Variants in PEPD observed in about 807,000 individuals in gnomAD.
PEPD encodes the protein xaa-Pro dipeptidase.
Under a neutral mutation model 60.7 loss-of-function variants are expected in PEPD, and 53 were observed. The ratio of observed to expected loss-of-function variants is 0.87; its 90% confidence interval spans 0.70 to 1.10. PEPD has a LOEUF of 1.10. Ranked by LOEUF, PEPD falls within the 50% of genes least tolerant of loss-of-function variation. PEPD has a pLI of 0.00. For synonymous variants in PEPD, 267 were observed against 284.1 expected (o/e 0.94, Z 0.60); for missense variants, 711 against 711.9 (o/e 1.00, Z 0.01).
chr19:33,430,024 T>C (rs756805774), intron 9 of PEPD, among the ~76,000 whole-genome samples: 16 of 152,178 alleles, frequency 1.1e-4, no homozygotes, highest in Non-Finnish European at 2.1e-4. Context: ...AGGAGGGGTG[T>C]CCTGCACGCT....
chr19:33,514,372 A>C (rs1970988159), intron 1 of PEPD, among the ~76,000 whole-genome samples: 1 of 151,966 alleles, frequency 6.6e-6, no homozygotes, highest in Non-Finnish European at 1.5e-5. Context: ...TGGGACCCTC[A>C]GAGGCCCTGA....
intron 1 of PEPD, among the ~76,000 whole-genome samples, chr19:33,519,567 A>G (rs967631523): frequency 3.3e-5 from 5 of 152,196 alleles, no homozygotes; most frequent in Non-Finnish European, 7.3e-5. Context: ...ATTCTGCTCT[A>G]AAGGAAGCCA....
intron 12 of PEPD, among the ~76,000 whole-genome samples, chr19:33,396,988 A>G (rs1968381377): frequency 6.6e-6 from 1 of 152,064 alleles, no homozygotes; most frequent in Non-Finnish European, 1.5e-5. Context: ...CTCACCATGC[A>G]TGCAGGGGTC....
intron 1 of PEPD, among the ~76,000 whole-genome samples, chr19:33,515,236 G>C (rs1463762647): frequency 6.6e-6 from 1 of 152,270 alleles, no homozygotes; most frequent in South Asian, 2.1e-4. Context: ...GCCGCAGCAG[G>C]GCAGGAAGCA....
chr19:33,387,393 C>G lies in PEPD; in HGVS notation c.1433G>C (p.Cys478Ser), dbSNP rs372530277. The G allele has an allele frequency of 1.2e-6, 2 of 1,613,994 alleles. No homozygotes were observed. The highest frequency in any genetic ancestry group is 1.7e-5 in the Admixed American group (1 of 60,012). Residue 478 changes from cysteine to serine, a missense_variant, in exon 15 of 15, where the codon TGC becomes TCC. Transcript: ENST00000244137. ...VPRTVEEIEACMAGCDKAFTP... is the reference protein window; with the variant it reads ...VPRTVEEIEASMAGCDKAFTP... ...AAAGGCCTTGTCACAGCCTGCCATG[C>G]ATGCTTCAATCTCTTCCACAGTGCG...
rs9916971 is a variant in PEPD at position 33,413,923 on chromosome 19, G to A, written c.672-280C>T. On this transcript the variant is annotated intron_variant, in intron 9 of 14. Transcript: ENST00000244137. Reference sequence around the variant, plus strand: ...CTCGCCAGCCTCCACTGACTGCCATGGCGAGTGGCTTCCCAGGCACATCAG... The same window carrying A: ...CTCGCCAGCCTCCACTGACTGCCATAGCGAGTGGCTTCCCAGGCACATCAG... 0.16 allele frequency among the ~76,000 whole-genome samples: 24,692 copies of A among 152,244 alleles called. 2,105 individuals carry two copies. Among genetic ancestry groups the A allele is most frequent in the African/African-American group, 0.18 (7,456 of 41,550 alleles).
chr19:33,387,115 A>T lies in PEPD; in HGVS notation c.*229T>A. ...TATTTTCAATCATTTTAAGTCGCTC[A>T]TTTAATAAGCAAGGTATAAAACAGA... On this transcript the variant is annotated 3_prime_UTR_variant, in exon 15 of 15. Coordinates refer to ENST00000244137, the MANE Select transcript of PEPD (RefSeq NM_000285.4). 3.5e-6 allele frequency: 2 copies of T among 573,046 alleles called. No homozygotes were observed. The highest frequency in any genetic ancestry group is 6.2e-6 in the Non-Finnish European group (2 of 322,670). 35.5% of individuals were successfully genotyped at this position (573,046 alleles called of 1,614,324 possible).
At position 33,411,734 on chromosome 19, in the gene PEPD, G is replaced by A. The variant is rs374710449; in HGVS notation, c.756C>T (p.Ala252=). ...CTCCGGCGTGTCCGTAGTGTAGCAC[G>A]GCTGAGTTCTCACCACTGCAAAGAG... ...TCICGSGENS[A]VLHYGHAGAP... Residue 252 remains alanine (A), a synonymous_variant, in exon 11 of 15, where the codon GCC becomes GCT. Coordinates refer to ENST00000244137, the MANE Select transcript of PEPD (RefSeq NM_000285.4). The A allele has an allele frequency of 6.8e-5, 110 of 1,607,618 alleles. No individual in the cohort carries two copies. The highest frequency in any genetic ancestry group is 5.0e-4 in the Middle Eastern group (3 of 6,054).
intron 6 of PEPD, among the ~76,000 whole-genome samples, chr19:33,479,163 T>C (rs1053596442): frequency 6.6e-5 from 10 of 151,976 alleles, no homozygotes; most frequent in South Asian, 4.1e-4. Flanking sequence ...AAGTAGTCAA[T>C]TGTAATCCCC....
intron 9 of PEPD, among the ~76,000 whole-genome samples, chr19:33,422,793 T>C (rs79601187): frequency 5.4e-5 from 5 of 91,924 alleles, no homozygotes; most frequent in South Asian, 2.6e-4. Flanking sequence ...TCCCTCCCTC[T>C]ATCTATCCAT....
intron 5 of PEPD, among the ~76,000 whole-genome samples, chr19:33,490,954 T>C (rs1376790295): frequency 6.6e-6 from 1 of 151,900 alleles, no homozygotes; most frequent in East Asian, 2.0e-4. Context: ...TGAGCCACTA[T>C]GCCCAGCCTG....
intron 9 of PEPD, among the ~76,000 whole-genome samples, chr19:33,462,495 T>C (rs994018369): frequency 6.6e-6 from 1 of 152,202 alleles, no homozygotes; most frequent in Non-Finnish European, 1.5e-5. Context: ...CCGCCACGGC[T>C]GGGCAGCCGC....
intron 11 of PEPD, 94 bp from the exon 12 acceptor site, chr19:33,401,963 T>C: frequency 2.4e-6 from 3 of 1,249,760 alleles, no homozygotes; most frequent in Non-Finnish European, 3.4e-6. Flanking sequence ...CGAGGGCAGC[T>C]GGCCCGGGTC....
intron 13 of PEPD, among the ~76,000 whole-genome samples, chr19:33,389,681 G>A (rs917243427): frequency 6.6e-6 from 1 of 152,214 alleles, no homozygotes; most frequent in Non-Finnish European, 1.5e-5. Context: ...CATGGTACAC[G>A]GTTGAGGGGC....
intron 7 of PEPD, 112 bp from the exon 8 acceptor site, chr19:33,464,174 G>T: frequency 2.6e-6 from 2 of 776,530 alleles, no homozygotes; most frequent in Non-Finnish European, 4.5e-6. Context: ...CAGAAGGCGT[G>T]TTGTGCAAGG....
Position 33,467,482 on chromosome 19 carries a change from A to G in PEPD, c.549-3420T>C, listed in dbSNP as rs117361974. Among the ~76,000 whole-genome samples, 7 of 152,302 alleles carry G rather than the reference A, an allele frequency of 4.6e-5. No individual in the cohort carries two copies. In the East Asian group the frequency reaches 1.4e-3, roughly 29 times the overall value. ...AAGTCGGGAGGTAAAGACGGGTTGGAGAAAAGATGTGTAGAGAGAGCAGGG... is the reference window on the plus strand; with the variant it reads ...AAGTCGGGAGGTAAAGACGGGTTGGGGAAAAGATGTGTAGAGAGAGCAGGG... On this transcript the variant is annotated intron_variant, in intron 7 of 14. Coordinates refer to ENST00000244137, the MANE Select transcript of PEPD (RefSeq NM_000285.4).
intron 9 of PEPD, among the ~76,000 whole-genome samples, chr19:33,460,129 T>A (rs753339232): frequency 3.3e-5 from 5 of 152,186 alleles, no homozygotes; most frequent in South Asian, 2.1e-4. Context: ...ATTCCCCGAC[T>A]AGTTAAGAAA....
chr19:33,457,581 G>C (rs967620433), intron 9 of PEPD, among the ~76,000 whole-genome samples: 7 of 152,302 alleles, frequency 4.6e-5, no homozygotes, highest in Non-Finnish European at 1.0e-4. Context: ...GAATGCAGAG[G>C]CTCACTGCAA....
intron 9 of PEPD, among the ~76,000 whole-genome samples, chr19:33,454,188 A>G (rs1164814457): frequency 6.6e-6 from 1 of 152,258 alleles, no homozygotes; most frequent in Non-Finnish European, 1.5e-5. Flanking sequence ...GACGGGGTGC[A>G]TCAGAAAGAC....
Sources: gnomAD v4.1 joint callset for allele counts (sites outside exome capture counted in the v4.1 genomes callset) on GRCh38, gnomAD v4.1.1 for gene constraint, MANE v1.5 for transcripts, NCBI Gene and HGNC (gene_info 2026-07-23, HGNC 2026-07-21) for gene names.